SACS: variants seen among roughly 807,000 people sequenced by gnomAD.
SACS encodes the protein sacsin.
A neutral mutation model predicts 348.0 loss-of-function variants in SACS; 197 were observed. The ratio of observed to expected loss-of-function variants is 0.57; its 90% CI spans 0.50 to 0.64. The LOEUF (loss-of-function observed/expected upper bound fraction) is 0.64. SACS is among the 30% of genes least tolerant of loss of function. SACS has a pLI of 0.00. For missense variants in SACS, 4,999 were observed against 5,360.8 expected, an observed-to-expected ratio of 0.93 and a Z score of 2.11; for synonymous variants, 1,985 against 1,910.6, an observed-to-expected ratio of 1.04 and a Z score of -1.02.
chr13:23,407,535 T>C (rs776314185), intron 2 of SACS, among the ~76,000 whole-genome samples: 13 of 152,172 alleles, frequency 8.5e-5, no homozygotes, highest in East Asian at 3.9e-4. Flanking sequence ...GTCTGACTTA[T>C]TGAAGCATCC....
In SACS at chr13:23,353,809, A is replaced by C; in HGVS notation, c.2161T>G (p.Leu721Val). ...CCTCGGGTTTGGGCAGCTTCCTTTA[A>C]AGCAGCCACAAGGTGAGGTTTCAAG... Reference protein sequence around the residue: ...DNLKPHLVAALKEAAQTRGRP... With the variant: ...DNLKPHLVAAVKEAAQTRGRP... Residue 721 changes from leucine (L) to valine (V), a missense_variant, in exon 9 of 10, where the codon TTA becomes GTA. By Grantham distance (32) the Leu-to-Val change is conservative. Around this residue, in one of 6 missense-constraint regions of SACS, gnomAD observed 3,156 missense variants for 3,380.1 expected, o/e 0.93. Transcript: ENST00000382292. 6.2e-7 allele frequency: 1 copy of C among 1,608,306 alleles called. No homozygotes were observed. The highest frequency in any genetic ancestry group is 1.3e-5 in the African/African-American group (1 of 74,958).
At chr13:23,368,552 G>C (rs1871195996) in intron 4 of SACS, 65 bp from the exon 5 acceptor site, 12 of 1,121,862 alleles carry the variant, frequency 1.1e-5, no homozygotes, top group Non-Finnish European at 1.3e-6. Context: ...ACCAATGTGT[G>C]ACTTGAATCT....
rs1883316681 is a variant in SACS, at chr13:23,329,239, T to G, written c.*897A>C. The G allele has an allele frequency of 2.0e-6, 1 of 506,884 alleles. No homozygotes were observed. 31.4% of individuals were successfully genotyped at this position (506,884 alleles called of 1,614,324 possible). A position where few individuals can be genotyped will look rare whatever the true frequency, so the allele number is the denominator to read the frequency against. On this transcript the variant is annotated 3_prime_UTR_variant, in exon 10 of 10. Transcript: ENST00000382292. ...AAAAAAACTCCACTACATGCCATAT[T>G]GAAAGAAAAGGTTGTTTTTTTTTTA...
intron 1 of SACS, among the ~76,000 whole-genome samples, chr13:23,422,426 A>G (rs981654601): frequency 1.1e-4 from 17 of 152,342 alleles, no homozygotes; most frequent in African/African-American, 4.1e-4. Flanking sequence ...TGAATATACA[A>G]ATATTCATCC....
intron 7 of SACS, among the ~76,000 whole-genome samples, chr13:23,357,334 AAT>A (rs1870458093): frequency 1.3e-5 from 2 of 152,212 alleles, no homozygotes; most frequent in Non-Finnish European, 2.9e-5. Context: ...GTCATATTTT[AAT>A]ATATAATTTA....
At chr13:23,417,540 C>A (rs996347031) in intron 1 of SACS, among the ~76,000 whole-genome samples, 1 of 152,000 alleles carries the variant, frequency 6.6e-6, no homozygotes, top group Non-Finnish European at 1.5e-5. Context: ...CTGGGCCATT[C>A]CAAAAATGTT....
chr13:23,353,563 C>T (rs997505808), intron 9 of SACS, among the ~76,000 whole-genome samples: 2 of 152,198 alleles, frequency 1.3e-5, no homozygotes, highest in African/African-American at 4.8e-5. Context: ...CACCATCACA[C>T]CATGACAGGA....
chr13:23,343,154 G>C (rs1163702742), intron 9 of SACS, among the ~76,000 whole-genome samples: 1 of 152,158 alleles, frequency 6.6e-6, no homozygotes, highest in Non-Finnish European at 1.5e-5. Flanking sequence ...ATTTCCTTGG[G>C]TTGAAGGGGG....
At chr13:23,374,872 A>G (rs969632499) in intron 3 of SACS, among the ~76,000 whole-genome samples, 3 of 152,168 alleles carry the variant, frequency 2.0e-5, no homozygotes, top group Admixed American at 6.5e-5. Context: ...TCCAATGTCC[A>G]CCAAAAAAAA....
intron 9 of SACS, among the ~76,000 whole-genome samples, chr13:23,342,696 T>C (rs1173254449): frequency 2.0e-5 from 3 of 152,328 alleles, no homozygotes; most frequent in East Asian, 3.9e-4. Context: ...AACTTCAAGT[T>C]TCCAGGAGCC....
At position 23,411,376 on chromosome 13, in the gene SACS, T is replaced by C; in HGVS notation, c.-137A>G. ...TCCTGCCAGGTGGAAAAAAAGCCTGTTTTTCCCTTCAGTGTCCATTCATCA... is the reference window on the plus strand; with the variant it reads ...TCCTGCCAGGTGGAAAAAAAGCCTGCTTTTCCCTTCAGTGTCCATTCATCA... On this transcript the variant is annotated 5_prime_UTR_variant, in exon 2 of 10. Coordinates refer to ENST00000382292, the MANE Select transcript of SACS (RefSeq NM_014363.6). 1.3e-6 allele frequency: 1 copy of C among 792,652 alleles called. No individual in the cohort carries two copies. Among genetic ancestry groups the C allele is most frequent in the South Asian group, 1.5e-5 (1 of 67,496 alleles). The allele number at this position is 792,652 out of a possible 1,614,324, so 49.1% of individuals were successfully genotyped here.
rs771848963 is a variant in SACS, at chr13:23,332,394, G to A, written c.11482C>T (p.Leu3828=). The A allele has an allele frequency of 6.2e-7, 1 of 1,613,956 alleles. No homozygotes were observed. Among genetic ancestry groups the A allele is most frequent in the Non-Finnish European group, 8.5e-7 (1 of 1,179,890 alleles). ...ESDFKPYLYK[L]PLELGTFHQL... ...TGAAATGTGCCAAGTTCTAAAGGTAGCTTGTACAAATAAGGTTTAAAATCA... is the reference window on the plus strand; with the variant it reads ...TGAAATGTGCCAAGTTCTAAAGGTAACTTGTACAAATAAGGTTTAAAATCA... Residue 3828 remains leucine, a synonymous_variant, in exon 10 of 10, where the codon CTA becomes TTA. Transcript: ENST00000382292.
rs2137743517 is a variant in SACS, at chr13:23,358,483, T to G, written c.458-2A>C. 2.5e-6 allele frequency: 4 copies of G among 1,614,142 alleles called. No individual in the cohort carries two copies. The highest frequency in any genetic ancestry group is 3.4e-6 in the Non-Finnish European group (4 of 1,180,018). On this transcript the variant is annotated splice_acceptor_variant, in intron 6 of 9. Coordinates refer to ENST00000382292, the MANE Select transcript of SACS (RefSeq NM_014363.6). LOFTEE classifies it high-confidence loss of function. ...TGTTGTACACATAGAGAGCTGGCCC[T>G]AGGTGTGAAAATGCGCAGGCAGGAA...
Position 23,391,890 on chromosome 13 carries a change from G to T in SACS, c.21-16621C>A, listed in dbSNP as rs148076148. On this transcript the variant is annotated intron_variant, in intron 2 of 9. Coordinates refer to ENST00000382292, the MANE Select transcript of SACS (RefSeq NM_014363.6). The stretch of plus-strand genomic sequence containing the variant: ...GTGGGTTCCCTCCTTTCCTCCCTGA[G>T]TTCCTTCATGTGCACATGGAACATG... 3.7e-4 allele frequency among the ~76,000 whole-genome samples: 56 copies of T among 152,280 alleles called. 1 individual carries two copies. In the East Asian group the frequency reaches 0.01, roughly 27 times the overall value.
At chr13:23,375,341 A>G in intron 2 of SACS, 72 bp from the exon 3 acceptor site, 1 of 1,319,408 alleles carries the variant, frequency 7.6e-7, no homozygotes, top group South Asian at 2.3e-5. Context: ...CGCGGCCTCC[A>G]CCCGCGTTAC....
In SACS at chr13:23,334,807, A is replaced by T; in HGVS notation, c.9069T>A (p.Thr3023=). The T allele has an allele frequency of 6.2e-7, 1 of 1,613,846 alleles. No homozygotes were observed. Among genetic ancestry groups the T allele is most frequent in the Non-Finnish European group, 8.5e-7 (1 of 1,179,808 alleles). Residue 3023 remains threonine, a synonymous_variant, in exon 10 of 10, where the codon ACT becomes ACA. Transcript: ENST00000382292. The stretch of plus-strand genomic sequence containing the variant: ...GTAGTAAATTGTCAAAAAATGGTCT[A>T]GTTTTATTAGAAGTAGACATATTGA... ...TWINMSTSNK[T]RPFFDNLLQD...
chr13:23,390,761 TG>T (rs1344168280), intron 2 of SACS, among the ~76,000 whole-genome samples: 2 of 152,236 alleles, frequency 1.3e-5, no homozygotes, highest in East Asian at 3.8e-4. Context: ...GCTATCAGTT[TG>T]TTTTTCAGTG....
rs753404440 is a variant in SACS, at chr13:23,354,652, C to T, written c.1960G>A (p.Val654Met). The change falls in exon 8 of 10, where the codon GTG becomes ATG. Residue 654 changes from valine (V) to methionine (M), a missense_variant. By Grantham distance (21) the Val-to-Met change is conservative. Around this residue, in one of 6 missense-constraint regions of SACS, gnomAD observed 3,156 missense variants for 3,380.1 expected, o/e 0.93. Transcript: ENST00000382292. ...AEEKLHLLEF[V>M]LSDQAYSELL... Reference sequence around the variant, plus strand: ...TCACTGTAGGCTTGGTCAGAAAGCACAAATTCTAGAAGGTGAAGCTTTTCT... The same window carrying T: ...TCACTGTAGGCTTGGTCAGAAAGCATAAATTCTAGAAGGTGAAGCTTTTCT... The T allele has an allele frequency of 6.2e-7, 1 of 1,614,220 alleles. No homozygotes were observed. The highest frequency in any genetic ancestry group is 8.5e-7 in the Non-Finnish European group (1 of 1,180,048).
intron 2 of SACS, among the ~76,000 whole-genome samples, chr13:23,409,040 C>CTTTTTTTTTTTTTTGTTTTTTTTTT (rs1873360922): frequency 2.8e-5 from 1 of 35,122 alleles, no homozygotes; most frequent in Non-Finnish European, 4.9e-5. Flanking sequence ...ACAAGTTTTA[C>CTTTTTTTTTTTTTTGTTTTTTTTTT]TTTTTTTTTT....
Sources: allele counts gnomAD v4.1 joint callset (sites outside exome capture counted in the v4.1 genomes callset), GRCh38; gene constraint gnomAD v4.1.1; regional missense constraint gnomAD v4.1.1; transcripts MANE v1.5; gene names NCBI Gene and HGNC (gene_info 2026-07-23, HGNC 2026-07-21).